MDN1: variants seen among roughly 807,000 people sequenced by gnomAD.
MDN1 encodes the protein midasin.
In MDN1, 266 loss-of-function variants were observed where a neutral mutation model predicts 669.2. The ratio of observed to expected loss-of-function variants is 0.40; its 90% CI spans 0.36 to 0.44. The LOEUF (loss-of-function observed/expected upper bound fraction) is 0.44. MDN1 is among the 20% of genes least tolerant of loss of function. MDN1 has a pLI of 1.00. For missense variants in MDN1, 5,940 were observed against 6,754.0 expected, an observed-to-expected ratio of 0.88 and a Z score of 4.22; for synonymous variants, 2,385 against 2,457.1, an observed-to-expected ratio of 0.97 and a Z score of 0.87.
At chr6:89,780,765 C>A (rs1162626813) in intron 10 of MDN1, among the ~76,000 whole-genome samples, 1 of 151,278 alleles carries the variant, frequency 6.6e-6, no homozygotes, top group African/African-American at 2.4e-5. Context: ...CTCAGCCTCC[C>A]GAGTAGCTGG....
chr6:89,818,065 C>T (rs1042335383), intron 1 of MDN1, among the ~76,000 whole-genome samples: 1 of 152,082 alleles, frequency 6.6e-6, no homozygotes, highest in Non-Finnish European at 1.5e-5. Flanking sequence ...TGCCTGTAAT[C>T]CCAGCACTTT....
chr6:89,708,998 C>G (rs1384659502), intron 50 of MDN1, among the ~76,000 whole-genome samples: 1 of 135,620 alleles, frequency 7.4e-6, no homozygotes, highest in African/African-American at 2.7e-5. Context: ...AAAAAAAATA[C>G]GTACATGGCA....
intron 37 of MDN1, among the ~76,000 whole-genome samples, chr6:89,725,903 A>G (rs1264904587): frequency 1.3e-5 from 2 of 149,640 alleles, no homozygotes; most frequent in Admixed American, 1.3e-4. Context: ...TTTCCCATGT[A>G]TGTTAGAGAT....
chr6:89,792,479 T>G (rs1258606884), intron 5 of MDN1, among the ~76,000 whole-genome samples: 1 of 151,886 alleles, frequency 6.6e-6, no homozygotes. Context: ...AAACATAATC[T>G]AGGTTGGGAT....
chr6:89,815,190 C>A, intron 1 of MDN1: 1 of 388,762 alleles, frequency 2.6e-6, no homozygotes. Flanking sequence ...TGCCTACCCT[C>A]TACGGCAGTG....
intron 1 of MDN1, among the ~76,000 whole-genome samples, chr6:89,803,797 G>T (rs1767823317): frequency 6.6e-6 from 1 of 151,434 alleles, no homozygotes; most frequent in Non-Finnish European, 1.5e-5. Flanking sequence ...TAGCCAGGAT[G>T]GTCTCGATCT....
chr6:89,770,533 A>T (rs984823643), intron 15 of MDN1, among the ~76,000 whole-genome samples: 24 of 152,164 alleles, frequency 1.6e-4, no homozygotes, highest in African/African-American at 5.5e-4. Context: ...TAAGTAAAAT[A>T]AAACCAAGGT....
chr6:89,673,504 G>T (rs775895599), intron 79 of MDN1, 42 bp from the exon 80 acceptor site: 21 of 1,560,602 alleles, frequency 1.3e-5, no homozygotes, highest in Admixed American at 1.7e-5. Flanking sequence ...ATGCATTACA[G>T]TTCCCACAAA....
intron 84 of MDN1, among the ~76,000 whole-genome samples, chr6:89,667,131 C>T (rs1810311918): frequency 6.6e-6 from 1 of 151,956 alleles, no homozygotes; most frequent in Admixed American, 6.5e-5. Flanking sequence ...CTTTTTATTC[C>T]ATGTAATGTT....
chr6:89,818,068 A>G lies in MDN1; in HGVS notation c.102+1438T>C, dbSNP rs1768963498. On this transcript the variant is annotated intron_variant, in intron 1 of 101. Transcript: ENST00000369393. ...CGCTGTGGCTCATGCCTGTAATCCCAGCACTTTAGGAGGCCAAGGCGGGTG... is the reference window on the plus strand; with the variant it reads ...CGCTGTGGCTCATGCCTGTAATCCCGGCACTTTAGGAGGCCAAGGCGGGTG... Among the ~76,000 whole-genome samples, 4 of 152,056 alleles carry G rather than the reference A, an allele frequency of 2.6e-5. No individual in the cohort carries two copies. In the South Asian group the frequency reaches 8.3e-4, roughly 32 times the overall value.
chr6:89,677,120 C>CT (rs1256292428), intron 76 of MDN1, among the ~76,000 whole-genome samples: 2 of 150,438 alleles, frequency 1.3e-5, no homozygotes, highest in African/African-American at 4.9e-5. Context: ...TTGACAGAGT[C>CT]TTACTTTGCC....
In MDN1 at chr6:89,790,118, C is replaced by A. The variant is rs374721459; in HGVS notation, c.1098+41G>T. On this transcript the variant is annotated intron_variant, in intron 6 of 101. Coordinates refer to ENST00000369393, the MANE Select transcript of MDN1 (RefSeq NM_014611.3). ...AGCAATATTTTAATGCAAATATTTA[C>A]AAGCATGACAAGCCACCAAAACTTA... 9.1e-5 allele frequency: 146 copies of A among 1,611,760 alleles called. No homozygotes were observed. In the African/African-American group the frequency reaches 1.7e-3, roughly 19 times the overall value.
intron 29 of MDN1, among the ~76,000 whole-genome samples, chr6:89,744,926 C>G (rs2128317634): frequency 6.6e-6 from 1 of 150,744 alleles, no homozygotes; most frequent in East Asian, 1.9e-4. Context: ...TAACAAAGAA[C>G]CTAGTCTGAA....
chr6:89,729,227 C>G, intron 35 of MDN1, 88 bp from the exon 36 acceptor site: 1 of 995,606 alleles, frequency 1.0e-6, no homozygotes, highest in Non-Finnish European at 1.5e-6. Context: ...AAATCTACCA[C>G]ATGGGTTATC....
rs1811364920 is a variant in MDN1 at position 89,678,272 on chromosome 6, T to C, written c.12412+327A>G. The stretch of plus-strand genomic sequence containing the variant: ...GGGCAACAAGAGGCGGAGGTTGCAG[T>C]GAGCTGAGATCACACCGCTGCACTA... On this transcript the variant is annotated intron_variant, in intron 75 of 101. Coordinates refer to ENST00000369393, the MANE Select transcript of MDN1 (RefSeq NM_014611.3). Among the ~76,000 whole-genome samples, 3 of 152,076 alleles carry C rather than the reference T, an allele frequency of 2.0e-5. No homozygotes were observed. The South Asian group carries it at 6.2e-4, about 32-fold the overall frequency.
chr6:89,740,054 T>C (rs941015676), intron 32 of MDN1, among the ~76,000 whole-genome samples, 180 bp downstream of exon 32: 5 of 152,218 alleles, frequency 3.3e-5, no homozygotes, highest in African/African-American at 1.2e-4. Context: ...TAAGGAGATA[T>C]TTGTGTCAGA....
At chr6:89,645,277 A>G in intron 100 of MDN1, 120 bp from the exon 101 acceptor site, 1 of 1,100,110 alleles carries the variant, frequency 9.1e-7, no homozygotes, top group Non-Finnish European at 1.3e-6. Flanking sequence ...AGCTAAACAG[A>G]CCTCTAAAGC....
intron 59 of MDN1, among the ~76,000 whole-genome samples, chr6:89,698,293 G>A (rs1812905535): frequency 6.6e-6 from 1 of 152,162 alleles, no homozygotes; most frequent in Non-Finnish European, 1.5e-5. Flanking sequence ...TCCAACAAGT[G>A]GACAAAGATG....
At chr6:89,750,239 G>A (rs944976161) in intron 24 of MDN1, 115 bp downstream of exon 24, 28 of 1,059,198 alleles carry the variant, frequency 2.6e-5, no homozygotes, top group East Asian at 9.7e-5. Context: ...AAGAAAAGCC[G>A]GCTGTTACAG....
Sources: allele counts gnomAD v4.1 joint callset (sites outside exome capture counted in the v4.1 genomes callset), GRCh38; gene constraint gnomAD v4.1.1; transcripts MANE v1.5; gene names NCBI Gene and HGNC (gene_info 2026-07-23, HGNC 2026-07-21).